IGSF21: variants seen among roughly 807,000 people sequenced by gnomAD.
IGSF21 encodes immunoglobin superfamily member 21, also known as immunoglobulin superfamily member 21.
In IGSF21, 28 loss-of-function variants were observed where a neutral mutation model predicts 46.8. The observed-to-expected ratio is 0.60, with a 90% CI of 0.44 to 0.82. The LOEUF (loss-of-function observed/expected upper bound fraction) is 0.82, where lower values mean the gene tolerates loss of function less well. Ranked by LOEUF, IGSF21 falls within the 40% of genes least tolerant of loss-of-function variation. IGSF21 has a pLI of 0.00. For missense variants in IGSF21, 624 were observed against 665.5 expected, an observed-to-expected ratio of 0.94 and a Z score of 0.69; for synonymous variants, 284 against 273.6, an observed-to-expected ratio of 1.04 and a Z score of -0.38.
intron 4 of IGSF21, among the ~76,000 whole-genome samples, chr1:18,341,855 C>T (rs760089691): frequency 1.2e-4 from 18 of 152,106 alleles, no homozygotes; most frequent in Non-Finnish European, 4.4e-5. Context: ...GTGAGGTTGG[C>T]AGATGAAGTA....
intron 1 of IGSF21, among the ~76,000 whole-genome samples, chr1:18,149,200 G>C (rs1196559548): frequency 1.3e-5 from 2 of 152,056 alleles, no homozygotes; most frequent in African/African-American, 4.8e-5. Flanking sequence ...GCTGGCCAAT[G>C]CTGGGACATG....
chr1:18,241,814 C>T (rs1358795391), intron 2 of IGSF21, among the ~76,000 whole-genome samples: 1 of 152,164 alleles, frequency 6.6e-6, no homozygotes, highest in Non-Finnish European at 1.5e-5. Context: ...TACAGTTGTC[C>T]ATTTTAGGGT....
At chr1:18,156,430 C>T (rs2086569778) in intron 1 of IGSF21, among the ~76,000 whole-genome samples, 1 of 152,198 alleles carries the variant, frequency 6.6e-6, no homozygotes, top group Non-Finnish European at 1.5e-5. Context: ...TAAGGAAGCA[C>T]AGCAAGTAGG....
At chr1:18,297,527 G>C (rs140081172) in intron 3 of IGSF21, among the ~76,000 whole-genome samples, 20 of 152,138 alleles carry the variant, frequency 1.3e-4, no homozygotes, top group African/African-American at 4.8e-4. Flanking sequence ...AAAATAATAA[G>C]GAAAAACAGT....
chr1:18,213,077 G>A (rs147816949), intron 1 of IGSF21, among the ~76,000 whole-genome samples: 2 of 152,282 alleles, frequency 1.3e-5, no homozygotes, highest in African/African-American at 4.8e-5. Context: ...ATCCATCTGT[G>A]TAACAAAAGG....
chr1:18,119,094 G>A (rs2086211631), intron 1 of IGSF21, among the ~76,000 whole-genome samples: 1 of 151,750 alleles, frequency 6.6e-6, no homozygotes, highest in Non-Finnish European at 1.5e-5. Flanking sequence ...CCCTAGGAGG[G>A]CAAGAACTTA....
At chr1:18,289,211 A>G (rs2085244357) in intron 2 of IGSF21, among the ~76,000 whole-genome samples, 1 of 152,198 alleles carries the variant, frequency 6.6e-6, no homozygotes, top group Admixed American at 6.5e-5. Flanking sequence ...GCCGCATTTT[A>G]GGAGGAGATA....
intron 1 of IGSF21, among the ~76,000 whole-genome samples, chr1:18,194,967 C>T (rs532243157): frequency 1.6e-4 from 25 of 152,288 alleles, no homozygotes; most frequent in African/African-American, 5.8e-4. Context: ...AGGCAAAAGA[C>T]CTTGTGCAGG....
rs1171200418 is a variant in IGSF21, at chr1:18,311,579, G to A, written c.305+19592G>A. On this transcript the variant is annotated intron_variant, in intron 3 of 9. Coordinates refer to ENST00000251296, the MANE Select transcript of IGSF21 (RefSeq NM_032880.5). ...CAGGAGGAAGCCCAGTGTCCACATG[G>A]CTCCTGTATTAGTCTGTTCTCACGC... is the stretch of plus-strand genomic sequence containing the variant. Among the ~76,000 whole-genome samples, 5 of 152,290 alleles carry A rather than the reference G, an allele frequency of 3.3e-5. No homozygotes were observed. In the South Asian group the frequency reaches 8.3e-4, roughly 25 times the overall value.
chr1:18,218,555 A>G (rs6603892), intron 1 of IGSF21, among the ~76,000 whole-genome samples: 2,444 of 152,382 alleles, frequency 0.016, 49 homozygotes, highest in African/African-American at 0.056. Context: ...GAAAAATCTG[A>G]AAAGTAAATA....
intron 1 of IGSF21, among the ~76,000 whole-genome samples, chr1:18,171,028 G>A (rs939627333): frequency 5.3e-5 from 8 of 151,986 alleles, no homozygotes; most frequent in African/African-American, 9.7e-5. Context: ...CAGGCCCGTC[G>A]GGGAGGCTGC....
At chr1:18,228,321 A>T (rs1426693752) in intron 2 of IGSF21, among the ~76,000 whole-genome samples, 1 of 152,224 alleles carries the variant, frequency 6.6e-6, no homozygotes, top group Non-Finnish European at 1.5e-5. Flanking sequence ...GTGTAATCAC[A>T]AGTGATATCT....
chr1:18,194,018 T>G (rs2086983680), intron 1 of IGSF21, among the ~76,000 whole-genome samples: 1 of 152,086 alleles, frequency 6.6e-6, no homozygotes, highest in Non-Finnish European at 1.5e-5. Flanking sequence ...GATTCTGTGG[T>G]TTTATGAAGA....
At chr1:18,257,396 T>C (rs2084902180) in intron 2 of IGSF21, among the ~76,000 whole-genome samples, 1 of 152,170 alleles carries the variant, frequency 6.6e-6, no homozygotes, top group East Asian at 1.9e-4. Context: ...TGGCAATACA[T>C]TACTCTTTAT....
At chr1:18,329,991 G>T (rs769758834) in intron 3 of IGSF21, among the ~76,000 whole-genome samples, 1 of 152,170 alleles carries the variant, frequency 6.6e-6, no homozygotes. Flanking sequence ...AACTCCAGCC[G>T]CTAAACTGCA....
At position 18,335,991 on chromosome 1, in the gene IGSF21, T is replaced by A. The variant is rs2085762185; in HGVS notation, c.424+981T>A. 6.6e-6 allele frequency among the ~76,000 whole-genome samples: 1 copy of A among 152,104 alleles called. No individual in the cohort carries two copies. The highest frequency in any genetic ancestry group is 1.9e-4 in the East Asian group (1 of 5,186). On this transcript the variant is annotated intron_variant, in intron 4 of 9. Transcript: ENST00000251296. This position sits in a 1 kb window ranked among gnomAD's most constrained non-coding sequence, Gnocchi z 4.8. ...GATAAAGGAACTAGCAGCGTTTGGGTGCCTGGCCCTGGGTTGGCCACACCA... is the reference window on the plus strand; with the variant it reads ...GATAAAGGAACTAGCAGCGTTTGGGAGCCTGGCCCTGGGTTGGCCACACCA...
At chr1:18,142,354 G>A (rs187849147) in intron 1 of IGSF21, among the ~76,000 whole-genome samples, 165 of 152,258 alleles carry the variant, frequency 1.1e-3, no homozygotes, top group Middle Eastern at 0.01. Context: ...TGGTCCAACC[G>A]GGATTAGAAC....
intron 1 of IGSF21, among the ~76,000 whole-genome samples, chr1:18,196,516 C>A (rs2087010600): frequency 1.3e-5 from 2 of 152,128 alleles, no homozygotes; most frequent in South Asian, 4.1e-4. Flanking sequence ...GTCCTCACTG[C>A]CAAAGCTTAG....
chr1:18,128,733 G>A (rs188449490), intron 1 of IGSF21, among the ~76,000 whole-genome samples: 1 of 152,272 alleles, frequency 6.6e-6, no homozygotes, highest in East Asian at 1.9e-4. Context: ...GTTTGTGGAG[G>A]AGCTGGGATT....
Sources: gnomAD v4.1 joint callset for allele counts (sites outside exome capture counted in the v4.1 genomes callset) on GRCh38, gnomAD v4.1.1 for gene constraint, Gnocchi (gnomAD v3.1) non-coding constraint, MANE v1.5 for transcripts, NCBI Gene and HGNC (gene_info 2026-07-23, HGNC 2026-07-21) for gene names.